The following DNM2 variants were observed in gnomAD, a reference collection of about 807,000 sequenced individuals.
DNM2 encodes the protein dynamin 2, also known as dynamin-2.
In DNM2, 15 loss-of-function variants were observed where a neutral mutation model predicts 99.0. The observed-to-expected ratio is 0.15, with a 90% CI of 0.10 to 0.23. The LOEUF is 0.23. Ranked by LOEUF, DNM2 falls within the 10% of genes least tolerant of loss-of-function variation. The pLI is 1.00. For synonymous variants in DNM2, 525 were observed against 481.2 expected (o/e 1.09, Z -1.19); for missense variants, 742 against 1,189.4 (o/e 0.62, Z 5.53).
At chr19:10,808,395 TATG>T in intron 13 of DNM2, 171 bp from the exon 14 acceptor site, 1 of 603,650 alleles carries the variant, frequency 1.7e-6, no homozygotes, top group South Asian at 2.3e-5. Flanking sequence ...ACACCATGAA[TATG>T]ATTAATAGCA....
At chr19:10,807,868 C>A (rs559456930) in intron 13 of DNM2, among the ~76,000 whole-genome samples, 2 of 151,178 alleles carry the variant, frequency 1.3e-5, no homozygotes, top group East Asian at 4.0e-4. Flanking sequence ...CCTGGACGGG[C>A]ACGGTGGCTC....
chr19:10,721,574 C>T (rs908147899), intron 1 of DNM2, among the ~76,000 whole-genome samples: 1 of 152,108 alleles, frequency 6.6e-6, no homozygotes, highest in Admixed American at 6.6e-5. Context: ...GATAAGGTCT[C>T]TCTTTGTTGC....
chr19:10,814,961 G>C (rs2072683606), intron 15 of DNM2, among the ~76,000 whole-genome samples: 2 of 152,254 alleles, frequency 1.3e-5, no homozygotes, highest in African/African-American at 4.8e-5. Context: ...AAAGAGAGCT[G>C]TGTTTTTCTC....
chr19:10,788,552 G>A (rs181905089), intron 7 of DNM2, among the ~76,000 whole-genome samples: 1 of 152,292 alleles, frequency 6.6e-6, no homozygotes, highest in East Asian at 1.9e-4. Context: ...CCCTAGCCGT[G>A]GTGGGAGAAG....
intron 1 of DNM2, among the ~76,000 whole-genome samples, chr19:10,755,910 C>T (rs1362291402): frequency 6.6e-6 from 1 of 152,124 alleles, no homozygotes; most frequent in Non-Finnish European, 1.5e-5. Flanking sequence ...GTGACCCACC[C>T]ACCTTGGCTT....
intron 2 of DNM2, among the ~76,000 whole-genome samples, chr19:10,766,382 G>A (rs1414109685): frequency 6.6e-6 from 1 of 152,100 alleles, no homozygotes; most frequent in Non-Finnish European, 1.5e-5. Flanking sequence ...AGGTGACTGT[G>A]GCCTCTGGCA....
intron 2 of DNM2, among the ~76,000 whole-genome samples, chr19:10,770,633 GC>G: frequency 6.6e-6 from 1 of 152,182 alleles, no homozygotes; most frequent in Non-Finnish European, 1.5e-5. Context: ...ACACAGCTGG[GC>G]TGGGGAAGCC....
intron 1 of DNM2, among the ~76,000 whole-genome samples, chr19:10,756,436 ATGT>A (rs1469001759): frequency 6.6e-6 from 1 of 152,108 alleles, no homozygotes; most frequent in Non-Finnish European, 1.5e-5. Flanking sequence ...ATGAGCTGTG[ATGT>A]TGTCCAAGTC....
chr19:10,766,345 C>T lies in DNM2; in HGVS notation c.236-6134C>T, dbSNP rs558208098. Among the ~76,000 whole-genome samples, 8 of 152,224 alleles carry T rather than the reference C, an allele frequency of 5.3e-5. No homozygotes were observed. The East Asian group carries it at 1.4e-3, about 26-fold the overall frequency. The stretch of plus-strand genomic sequence containing the variant: ...CAAGCTCCTTTGAAACAGGAGGCTC[C>T]GAAGACCTCCAGGGTCTCCAGGCCA... On this transcript the variant is annotated intron_variant, in intron 2 of 20. Transcript: ENST00000389253.
At chr19:10,723,897 G>A (rs575897222) in intron 1 of DNM2, among the ~76,000 whole-genome samples, 2 of 152,238 alleles carry the variant, frequency 1.3e-5, no homozygotes, top group African/African-American at 4.8e-5. Context: ...TTGGAGACCA[G>A]CCTGGGCAAC....
chr19:10,732,486 G>A (rs946462886), intron 1 of DNM2, among the ~76,000 whole-genome samples: 1 of 151,702 alleles, frequency 6.6e-6, no homozygotes, highest in Non-Finnish European at 1.5e-5. Context: ...TGTAGTCCCA[G>A]CTACTCGGGA....
intron 15 of DNM2, among the ~76,000 whole-genome samples, chr19:10,814,603 C>T (rs76490264): frequency 0.015 from 2,229 of 152,286 alleles, 34 homozygotes; most frequent in Non-Finnish European, 0.021. Context: ...CTCTTTACCC[C>T]CTACTTGTCC....
chr19:10,785,204 G>A (rs1346324211), intron 6 of DNM2, among the ~76,000 whole-genome samples: 2 of 151,852 alleles, frequency 1.3e-5, no homozygotes, highest in African/African-American at 2.4e-5. Flanking sequence ...TGTAAGCTCC[G>A]TCTCCCGGGT....
At chr19:10,729,870 T>G (rs1227334494) in intron 1 of DNM2, among the ~76,000 whole-genome samples, 1 of 151,346 alleles carries the variant, frequency 6.6e-6, no homozygotes, top group South Asian at 2.1e-4. Context: ...GGTGGTTATT[T>G]TTTTTTTTTT....
rs567259253 is a variant in DNM2, at chr19:10,720,144, CAGG to C, written c.161+1742_161+1744del. 1.1e-3 allele frequency among the ~76,000 whole-genome samples: 172 copies of C among 152,208 alleles called. 5 individuals are homozygous for C. In the South Asian group the frequency reaches 0.027, roughly 24 times the overall value. The stretch of plus-strand genomic sequence containing the variant: ...CTTTCACTTGCCTTGTGACCTTGCA[CAGG>C]TTGTCTTGGCCTCTCTAAGTCTTGG... On this transcript the variant is annotated intron_variant, in intron 1 of 20. Transcript: ENST00000389253.
In DNM2 at chr19:10,755,641, CT is replaced by C. The variant is rs571626199; in HGVS notation, c.162-4086del. Reference sequence around the variant, plus strand: ...ACACCCGGCCAGGGTTTTTTTTTGTCTTTTTTTTTTTGTATTTTGTATTGTT... The same window carrying C: ...ACACCCGGCCAGGGTTTTTTTTTGTCTTTTTTTTTTGTATTTTGTATTGTT... On this transcript the variant is annotated intron_variant, in intron 1 of 20. Transcript: ENST00000389253. 8.6e-3 allele frequency among the ~76,000 whole-genome samples: 1,204 copies of C among 140,290 alleles called. 13 individuals are homozygous for C. Among genetic ancestry groups the C allele is most frequent in the South Asian group, 0.055 (240 of 4,344 alleles). The allele number at this position is 140,290 out of a possible 152,430, so 92.0% of individuals were successfully genotyped here.
rs933942126 is a variant in DNM2, at chr19:10,831,235, G to T, written c.*188G>T. The T allele has an allele frequency of 7.4e-7, 1 of 1,345,216 alleles. No individual in the cohort carries two copies. The highest frequency in any genetic ancestry group is 9.5e-7 in the Non-Finnish European group (1 of 1,052,750). 83.3% of individuals were successfully genotyped at this position (1,345,216 alleles called of 1,614,324 possible). A position where few individuals can be genotyped will look rare whatever the true frequency, so the allele number is the denominator to read the frequency against. On this transcript the variant is annotated 3_prime_UTR_variant, in exon 21 of 21. Transcript: ENST00000389253. This position sits in a 1 kb window ranked among gnomAD's most constrained non-coding sequence, Gnocchi z 4.3. The stretch of plus-strand genomic sequence containing the variant: ...CTGGCTGGACACCGCACTGCGCAAA[G>T]GGGCCCTGGAGCTCCAGGCAGGGGG...
intron 16 of DNM2, 46 bp from the exon 17 acceptor site, chr19:10,823,742 C>G: frequency 6.3e-7 from 1 of 1,581,932 alleles, no homozygotes; most frequent in South Asian, 1.1e-5. Flanking sequence ...CTGCCAGACC[C>G]ATGGCAGGGT....
At chr19:10,767,915 A>C (rs2070851554) in intron 2 of DNM2, among the ~76,000 whole-genome samples, 1 of 151,898 alleles carries the variant, frequency 6.6e-6, no homozygotes, top group African/African-American at 2.4e-5. Flanking sequence ...CAAAACAAAC[A>C]AACAAAAAAC....
Sources: gnomAD v4.1 joint callset for allele counts (sites outside exome capture counted in the v4.1 genomes callset) on GRCh38, gnomAD v4.1.1 for gene constraint, Gnocchi (gnomAD v3.1) non-coding constraint, MANE v1.5 for transcripts, NCBI Gene and HGNC (gene_info 2026-07-23, HGNC 2026-07-21) for gene names.